Variants in KRT73 observed in about 807,000 individuals in gnomAD.
KRT73 encodes keratin 73, also known as keratin, type II cytoskeletal 73.
KRT73 carries 44 observed loss-of-function variants against 47.2 expected under a neutral mutation model. That is an observed-to-expected ratio of 0.93 (90% CI 0.73 to 1.20). The LOEUF (loss-of-function observed/expected upper bound fraction) is 1.20, where lower values mean the gene tolerates loss of function less well. Among genes scored for constraint, KRT73 ranks in the 50% most tolerant of loss-of-function variants. The probability of loss-of-function intolerance (pLI) is 0.00; values close to 1 mark genes in which losing one functional copy is unlikely to be tolerated. For synonymous variants in KRT73, 285 were observed against 291.3 expected (o/e 0.98, Z 0.22); for missense variants, 713 against 704.5 (o/e 1.01, Z -0.14).
rs369887162 is a variant in KRT73, at chr12:52,617,411, A to T, written c.447+667T>A. 6.6e-5 allele frequency among the ~76,000 whole-genome samples: 10 copies of T among 152,244 alleles called. No individual in the cohort carries two copies. In the East Asian group the frequency reaches 1.9e-3, roughly 29 times the overall value. On this transcript the variant is annotated intron_variant, in intron 1 of 8. Transcript: ENST00000305748. ...CTCTGATTCAGTTGCTCTGGGGTGG[A>T]GCCTGAGAGTGTGCATTCTAACAAG... is the stretch of plus-strand genomic sequence containing the variant.
chr12:52,617,661 ACT>A (rs949802982), intron 1 of KRT73, among the ~76,000 whole-genome samples: 1 of 151,978 alleles, frequency 6.6e-6, no homozygotes. Context: ...ACAGGCTGTC[ACT>A]CTGCTACTTC....
At chr12:52,609,653 G>A (rs775941950) in intron 7 of KRT73, among the ~76,000 whole-genome samples, 14 of 152,318 alleles carry the variant, frequency 9.2e-5, no homozygotes, top group South Asian at 2.1e-4. Context: ...GTATGATTTT[G>A]GGGCAAGTGA....
intron 5 of KRT73, among the ~76,000 whole-genome samples, chr12:52,611,593 A>C (rs1206216282): frequency 6.6e-6 from 1 of 152,184 alleles, no homozygotes. Context: ...TTTATAACAC[A>C]CTACTCCAAT....
upstream of KRT73, among the ~76,000 whole-genome samples, chr12:52,619,003 G>GGCT (rs983084494): frequency 6.6e-6 from 1 of 152,218 alleles, no homozygotes; most frequent in African/African-American, 2.4e-5. Flanking sequence ...GTTAAGAAGA[G>GGCT]GCTGCTGCTG....
In KRT73 at chr12:52,608,343, G is replaced by C; in HGVS notation, c.1476C>G (p.Ser492Arg). 6.2e-7 allele frequency: 1 copy of C among 1,613,888 alleles called. No homozygotes were observed. The highest frequency in any genetic ancestry group is 8.5e-7 in the Non-Finnish European group (1 of 1,180,038). Residue 492 changes from serine to arginine, a missense_variant, in exon 9 of 9, where the codon AGC (serine) becomes AGG (arginine). Transcript: ENST00000305748. ...YWPSSVSGGY[S>R]MLPGGCVTGS... ...CAGTGACACAGCCCCCAGGCAGCATGCTGTAGCCCCCGCTGACAGAGCTGG... is the reference window on the plus strand; with the variant it reads ...CAGTGACACAGCCCCCAGGCAGCATCCTGTAGCCCCCGCTGACAGAGCTGG...
At chr12:52,620,196 C>T (rs1252631630), upstream of KRT73, among the ~76,000 whole-genome samples, 1 of 148,388 alleles carries the variant, frequency 6.7e-6, no homozygotes, top group Admixed American at 6.9e-5. Context: ...TCATCGCAAC[C>T]TCCACTTCCT....
In KRT73 at chr12:52,610,802, C is replaced by A. The variant is rs1399580761; in HGVS notation, c.1144G>T (p.Glu382Ter). The change falls in exon 7 of 9, where the codon GAG becomes TAG. Residue 382 changes from glutamate (E) to a stop codon, truncating the protein, a stop_gained. Transcript: ENST00000305748. LOFTEE classifies it high-confidence loss of function. Reference sequence around the variant, plus strand: ...TTGAGGGCACAGTCCCCCCGCTGCTCGGCGTCAGCGATGGCCGTCTCCAGG... The same window carrying A: ...TTGAGGGCACAGTCCCCCCGCTGCTAGGCGTCAGCGATGGCCGTCTCCAGG... The part of the protein sequence containing the change: ...ANLETAIADA[E>*]QRGDCALKDA... The A allele has an allele frequency of 6.2e-7, 1 of 1,613,160 alleles. No homozygotes were observed. The highest frequency in any genetic ancestry group is 1.7e-5 in the Admixed American group (1 of 60,010).
At position 52,610,810 on chromosome 12, in the gene KRT73, G is replaced by A; in HGVS notation, c.1136C>T (p.Ala379Val). 4 of 1,612,974 alleles carry A rather than the reference G, an allele frequency of 2.5e-6. No homozygotes were observed. In the South Asian group the frequency reaches 3.3e-5, roughly 13 times the overall value. ...ACAGTCCCCCCGCTGCTCGGCGTCAGCGATGGCCGTCTCCAGGTTGGCACA... is the reference window on the plus strand; with the variant it reads ...ACAGTCCCCCCGCTGCTCGGCGTCAACGATGGCCGTCTCCAGGTTGGCACA... ...KQCANLETAI[A>V]DAEQRGDCAL... The change falls in exon 7 of 9, where the codon GCT becomes GTT. Residue 379 changes from alanine to valine, a missense_variant. Transcript: ENST00000305748.
At chr12:52,630,067 T>C in the KRT73 span, among the ~76,000 whole-genome samples, 16 of 152,240 alleles carry the variant, frequency 1.1e-4, no homozygotes, top group African/African-American at 2.9e-4. Flanking sequence ...ATCCCCACCC[T>C]TTTCCCTCTT....
the KRT73 span, among the ~76,000 whole-genome samples, chr12:52,624,382 AG>A: frequency 6.6e-6 from 1 of 152,106 alleles, no homozygotes; most frequent in Non-Finnish European, 1.5e-5. Flanking sequence ...AGGATATAAA[AG>A]AACTTAACAG....
intron 1 of KRT73, 105 bp downstream of exon 1, chr12:52,617,973 A>G: frequency 7.8e-7 from 1 of 1,283,968 alleles, no homozygotes; most frequent in Non-Finnish European, 1.1e-6. Flanking sequence ...CTGGGAGAAA[A>G]TGATTTCTTG....
At position 52,615,231 on chromosome 12, in the gene KRT73, C is replaced by T. The variant is rs1376793898; in HGVS notation, c.723+48G>A. 4 of 1,533,718 alleles carry T rather than the reference C, an allele frequency of 2.6e-6. No individual in the cohort carries two copies. In the African/African-American group the frequency reaches 4.1e-5, roughly 16 times the overall value. On this transcript the variant is annotated intron_variant, in intron 3 of 8. Coordinates refer to ENST00000305748, the MANE Select transcript of KRT73 (RefSeq NM_175068.3). ...CCTCAGCTGCTCCTCTCTCTTAGCC[C>T]AGCACCCACTGCTGGGGGACTGAAG...
At chr12:52,624,474 C>T in the KRT73 span, among the ~76,000 whole-genome samples, 1 of 151,938 alleles carries the variant, frequency 6.6e-6, no homozygotes, top group African/African-American at 2.4e-5. Flanking sequence ...ATTCAAGTGC[C>T]CACAGGACAT....
chr12:52,609,397 C>G (rs111634017), intron 7 of KRT73, 116 bp from the exon 8 acceptor site: 1 of 825,584 alleles, frequency 1.2e-6, no homozygotes, highest in Non-Finnish European at 2.1e-6. Flanking sequence ...TCACGCACCC[C>G]ACACTTGCCA....
intron 5 of KRT73, chr12:52,612,661 A>T (rs1940726820): frequency 6.6e-6 from 1 of 152,254 alleles, no homozygotes; most frequent in Admixed American, 6.5e-5. Flanking sequence ...ATTCTGAGGC[A>T]AACAGATGAA....
Position 52,614,630 on chromosome 12 carries a change from C to G in KRT73, c.768G>C (p.Lys256Asn). 6.2e-7 allele frequency: 1 copy of G among 1,614,030 alleles called. No individual in the cohort carries two copies. The highest frequency in any genetic ancestry group is 8.5e-7 in the Non-Finnish European group (1 of 1,179,956). Residue 256 changes from lysine (K) to asparagine (N), a missense_variant, in exon 4 of 9, where the codon AAG (lysine) becomes AAC (asparagine). Lys to Asn is a moderately conservative substitution (Grantham distance 94, BLOSUM62 0). Transcript: ENST00000305748. ...AYTSKVELQA[K>N]VDALDGEIKF... ...TGATTTCTCCATCCAGGGCATCCACCTTGGCCTGCAGCTCCACTTTGCTCG... is the reference window on the plus strand; with the variant it reads ...TGATTTCTCCATCCAGGGCATCCACGTTGGCCTGCAGCTCCACTTTGCTCG...
At chr12:52,608,857 GC>G (rs1940638556) in intron 8 of KRT73, among the ~76,000 whole-genome samples, 1 of 152,194 alleles carries the variant, frequency 6.6e-6, no homozygotes, top group African/African-American at 2.4e-5. Context: ...ACCCTGTGGG[GC>G]CAGCATTAAA....
chr12:52,615,204 G>A, intron 3 of KRT73, 75 bp downstream of exon 3: 1 of 1,318,402 alleles, frequency 7.6e-7, no homozygotes, highest in Non-Finnish European at 1.1e-6. Context: ...GGGGGGCTCA[G>A]ACCTCAGCTG....
intron 6 of KRT73, 42 bp downstream of exon 6, chr12:52,611,162 C>T (rs749696360): frequency 6.2e-7 from 1 of 1,608,976 alleles, no homozygotes; most frequent in South Asian, 1.1e-5. Flanking sequence ...GCAGTTCACC[C>T]CTCCCTTAGG....
Sources: gnomAD v4.1 joint callset for allele counts (sites outside exome capture counted in the v4.1 genomes callset) on GRCh38, gnomAD v4.1.1 for gene constraint, MANE v1.5 for transcripts, NCBI Gene and HGNC (gene_info 2026-07-23, HGNC 2026-07-21) for gene names.